Variants in C8orf34 observed in about 807,000 individuals in gnomAD.
C8orf34 encodes chromosome 8 open reading frame 34.
Under a neutral mutation model 68.3 loss-of-function variants are expected in C8orf34, and 65 were observed. The observed-to-expected ratio is 0.95, with a 90% CI of 0.78 to 1.17. The LOEUF (loss-of-function observed/expected upper bound fraction) is 1.17. Ranked by LOEUF, C8orf34 falls within the 50% of genes most tolerant of loss-of-function variation. The pLI is 0.00. For synonymous variants in C8orf34, 244 were observed against 241.2 expected (o/e 1.01, Z -0.11); for missense variants, 664 against 655.4 (o/e 1.01, Z -0.14).
At chr8:68,537,900 G>A (rs890528496) in intron 7 of C8orf34, among the ~76,000 whole-genome samples, 1 of 151,472 alleles carries the variant, frequency 6.6e-6, no homozygotes, top group Non-Finnish European at 1.5e-5. Context: ...CATCCTATGT[G>A]ATTTACTTTT....
intron 8 of C8orf34, among the ~76,000 whole-genome samples, chr8:68,682,360 T>C (rs1820394754): frequency 6.6e-6 from 1 of 152,124 alleles, no homozygotes; most frequent in Non-Finnish European, 1.5e-5. Context: ...CCCACAAAAG[T>C]TAAAAAGATA....
chr8:68,463,176 A>C (rs950224627), intron 3 of C8orf34, among the ~76,000 whole-genome samples: 89 of 151,020 alleles, frequency 5.9e-4, no homozygotes, highest in African/African-American at 2.0e-3. Context: ...TGCGCAAATA[A>C]ACTAGAAAAT....
chr8:68,497,911 C>T (rs1261605630), intron 5 of C8orf34, among the ~76,000 whole-genome samples: 1 of 152,168 alleles, frequency 6.6e-6, no homozygotes, highest in Non-Finnish European at 1.5e-5. Context: ...TCACCGCAAC[C>T]TCCGCCTCCC....
intron 7 of C8orf34, among the ~76,000 whole-genome samples, chr8:68,614,891 T>C (rs1422333851): frequency 6.6e-6 from 1 of 152,162 alleles, no homozygotes; most frequent in African/African-American, 2.4e-5. Flanking sequence ...GTATGGCCAT[T>C]TTCACGATAT....
At chr8:68,636,805 T>C (rs1314651738) in intron 7 of C8orf34, among the ~76,000 whole-genome samples, 5 of 152,154 alleles carry the variant, frequency 3.3e-5, no homozygotes, top group Non-Finnish European at 7.4e-5. Flanking sequence ...AGTGGCCACA[T>C]ACAAGCATTT....
intron 4 of C8orf34, among the ~76,000 whole-genome samples, chr8:68,478,710 A>G (rs534830040): frequency 9.8e-5 from 15 of 152,292 alleles, no homozygotes; most frequent in African/African-American, 2.6e-4. Context: ...CCTTCTTCAC[A>G]AGATGGCAGG....
chr8:68,778,436 A>G (rs970541437), intron 11 of C8orf34, among the ~76,000 whole-genome samples: 11 of 152,020 alleles, frequency 7.2e-5, no homozygotes, highest in African/African-American at 2.2e-4. Flanking sequence ...TCTTTTTTTC[A>G]TCTAGTTTTA....
chr8:68,401,429 A>G (rs1397689434), intron 1 of C8orf34, among the ~76,000 whole-genome samples: 1 of 152,160 alleles, frequency 6.6e-6, no homozygotes, highest in East Asian at 1.9e-4. Context: ...AGGAGTGGTC[A>G]GAATGGACAT....
chr8:68,794,511 T>A (rs1431794209), intron 12 of C8orf34, among the ~76,000 whole-genome samples: 1 of 105,408 alleles, frequency 9.5e-6, no homozygotes, highest in African/African-American at 5.2e-5. Flanking sequence ...ATATATTTTT[T>A]TTTTTTTTTT....
intron 1 of C8orf34, among the ~76,000 whole-genome samples, chr8:68,366,518 C>G (rs1807264269): frequency 6.7e-6 from 1 of 150,250 alleles, no homozygotes; most frequent in Non-Finnish European, 1.5e-5. Flanking sequence ...CTACAGTAAC[C>G]AAAACAGCAT....
At chr8:68,403,253 T>A (rs938297650) in intron 1 of C8orf34, among the ~76,000 whole-genome samples, 7 of 152,148 alleles carry the variant, frequency 4.6e-5, no homozygotes, top group Non-Finnish European at 8.8e-5. Context: ...TCATGCTCCA[T>A]CCCTTACTGT....
intron 7 of C8orf34, among the ~76,000 whole-genome samples, chr8:68,559,912 C>T (rs140168463): frequency 6.6e-6 from 1 of 152,192 alleles, no homozygotes; most frequent in Non-Finnish European, 1.5e-5. Flanking sequence ...GGAACACAGT[C>T]CCTGAAAGTC....
chr8:68,520,101 T>C (rs1264779281), intron 5 of C8orf34, among the ~76,000 whole-genome samples: 1 of 152,206 alleles, frequency 6.6e-6, no homozygotes, highest in Non-Finnish European at 1.5e-5. Context: ...TCCATTGTAG[T>C]GCTTTAATTT....
chr8:68,818,203 A>C (rs1389598234), intron 13 of C8orf34, 36 bp from the exon 14 acceptor site: 3 of 1,608,338 alleles, frequency 1.9e-6, no homozygotes, highest in Non-Finnish European at 2.6e-6. Context: ...ACATGTTATT[A>C]AGCACATTTT....
At chr8:68,606,273 G>A (rs1817850294) in intron 7 of C8orf34, among the ~76,000 whole-genome samples, 1 of 152,036 alleles carries the variant, frequency 6.6e-6, no homozygotes, top group Admixed American at 6.6e-5. Context: ...AAGAAAAATA[G>A]CCTTACTAAC....
At chr8:68,422,050 G>C (rs1212149477) in intron 1 of C8orf34, among the ~76,000 whole-genome samples, 2 of 152,120 alleles carry the variant, frequency 1.3e-5, no homozygotes, top group African/African-American at 4.8e-5. Context: ...GACACATGGG[G>C]ATTATGGGGA....
chr8:68,661,059 T>C (rs1819661719), intron 8 of C8orf34, among the ~76,000 whole-genome samples: 1 of 152,150 alleles, frequency 6.6e-6, no homozygotes, highest in South Asian at 2.1e-4. Context: ...TCTGGGCATG[T>C]GGTGCGAGGA....
At chr8:68,610,051 A>G (rs747220741) in intron 7 of C8orf34, among the ~76,000 whole-genome samples, 1 of 152,194 alleles carries the variant, frequency 6.6e-6, no homozygotes, top group Non-Finnish European at 1.5e-5. Flanking sequence ...GGAAAAACTA[A>G]TGAATATAGA....
chr8:68,463,939 C>A (rs1011749396), intron 3 of C8orf34, among the ~76,000 whole-genome samples: 1 of 152,078 alleles, frequency 6.6e-6, no homozygotes. Context: ...AAGTTCTGGC[C>A]AGGGCAATTA....
Sources: gnomAD v4.1 joint callset for allele counts (sites outside exome capture counted in the v4.1 genomes callset) on GRCh38, gnomAD v4.1.1 for gene constraint, MANE v1.5 for transcripts, NCBI Gene and HGNC (gene_info 2026-07-23, HGNC 2026-07-21) for gene names.